The following CFHR2 variants were observed in gnomAD, a reference collection of about 807,000 sequenced individuals.
CFHR2 encodes the protein complement factor H related 2.
In CFHR2, 22 loss-of-function variants were observed where a neutral mutation model predicts 21.7. The ratio of observed to expected loss-of-function variants is 1.01; its 90% confidence interval spans 0.72 to 1.45. The LOEUF (loss-of-function observed/expected upper bound fraction) is 1.45, where lower values mean the gene tolerates loss of function less well. Among genes scored for constraint, CFHR2 ranks in the 40% most tolerant of loss-of-function variants. The pLI is 0.00. For missense variants in CFHR2, 294 were observed against 293.3 expected, an observed-to-expected ratio of 1.00 and a Z score of -0.02; for synonymous variants, 98 against 97.4, an observed-to-expected ratio of 1.01 and a Z score of -0.04.
rs199810650 is a variant in CFHR2, at chr1:196,957,887, T to C, written c.431-4T>C. The C allele has an allele frequency of 1.8e-5, 29 of 1,608,768 alleles. No individual in the cohort carries two copies. Among genetic ancestry groups the C allele is most frequent in the Non-Finnish European group, 8.5e-7 (1 of 1,177,524 alleles). On this transcript the variant is annotated splice_polypyrimidine_tract_variant and splice_region_variant and intron_variant, in intron 3 of 4. Transcript: ENST00000367415. ...TCCCAGTAAATCAAATGATGTTTTT[T>C]TAGTTTCTGCAGAAAAATGTGGGCC...
chr1:196,954,758 C>T (rs1652803688), intron 3 of CFHR2, among the ~76,000 whole-genome samples: 1 of 152,198 alleles, frequency 6.6e-6, no homozygotes, highest in Non-Finnish European at 1.5e-5. Context: ...GAGGTTTGCA[C>T]CTTCTGAAAA....
Position 196,959,296 on chromosome 1 carries a change from T to A in CFHR2, c.*216T>A, listed in dbSNP as rs1042527320. ...AGTAACAACCTAGGAATTGTCTTTTTTTTTCTTTTTAAAAAAATTGACAAT... is the reference window on the plus strand; with the variant it reads ...AGTAACAACCTAGGAATTGTCTTTTATTTTCTTTTTAAAAAAATTGACAAT... On this transcript the variant is annotated 3_prime_UTR_variant, in exon 5 of 5. Transcript: ENST00000367415. 2 of 451,180 alleles carry A rather than the reference T, an allele frequency of 4.4e-6. No individual in the cohort carries two copies. Among genetic ancestry groups the A allele is most frequent in the African/African-American group, 4.0e-5 (2 of 49,884 alleles). 27.9% of individuals were successfully genotyped at this position (451,180 alleles called of 1,614,324 possible).
chr1:196,947,526 G>A (rs1420564385), intron 1 of CFHR2, among the ~76,000 whole-genome samples: 6 of 152,072 alleles, frequency 3.9e-5, no homozygotes, highest in African/African-American at 1.4e-4. Context: ...ACTATCTAAT[G>A]TCAAATTTTA....
intron 2 of CFHR2, among the ~76,000 whole-genome samples, chr1:196,950,452 T>G (rs1487186681): frequency 6.6e-6 from 1 of 151,740 alleles, no homozygotes; most frequent in Admixed American, 6.6e-5. Context: ...TCCTTTTTGG[T>G]TTTTTGTTTG....
In CFHR2 at chr1:196,959,056, A is replaced by G. The variant is rs751336038; in HGVS notation, c.789A>G (p.Val263=). 1 of 1,610,954 alleles carries G rather than the reference A, an allele frequency of 6.2e-7. No homozygotes were observed. The highest frequency in any genetic ancestry group is 1.3e-5 in the African/African-American group (1 of 74,870). ...FRAMCQNGKL[V]YPSCEEK ...CAATGTGTCAGAATGGGAAACTGGTATATCCCAGTTGTGAAGAAAAATAGA... is the reference window on the plus strand; with the variant it reads ...CAATGTGTCAGAATGGGAAACTGGTGTATCCCAGTTGTGAAGAAAAATAGA... Residue 263 remains valine (V), a synonymous_variant, in exon 5 of 5, where the codon GTA becomes GTG. Coordinates refer to ENST00000367415, the MANE Select transcript of CFHR2 (RefSeq NM_005666.4).
chr1:196,953,185 A>G (rs1291505070), intron 3 of CFHR2, among the ~76,000 whole-genome samples: 2 of 152,230 alleles, frequency 1.3e-5, no homozygotes, highest in Non-Finnish European at 2.9e-5. Context: ...TTCCGTTTAC[A>G]ACACCATGCA....
chr1:196,947,521 C>A (rs1659554886), intron 1 of CFHR2, among the ~76,000 whole-genome samples: 1 of 152,092 alleles, frequency 6.6e-6, no homozygotes, highest in Non-Finnish European at 1.5e-5. Flanking sequence ...CCAAAACTAT[C>A]TAATGTCAAA....
intron 1 of CFHR2, 97 bp from the exon 2 acceptor site, chr1:196,949,358 T>C: frequency 2.4e-6 from 3 of 1,255,346 alleles, no homozygotes; most frequent in Middle Eastern, 2.0e-4. Context: ...TTAAGCTAAA[T>C]GAAAGAAAAA....
In CFHR2 at chr1:196,949,397, T is replaced by C. The variant is rs1404731669; in HGVS notation, c.59-58T>C. On this transcript the variant is annotated intron_variant, in intron 1 of 4. Coordinates refer to ENST00000367415, the MANE Select transcript of CFHR2 (RefSeq NM_005666.4). The stretch of plus-strand genomic sequence containing the variant: ...TAAATGAGATGATTAAAATATAGTC[T>C]AGTGATTTATTTATGTAGCTTATTA... The C allele has an allele frequency of 6.8e-6, 10 of 1,476,748 alleles. No individual in the cohort carries two copies. The Admixed American group carries it at 7.6e-5, about 11-fold the overall frequency. The allele number at this position is 1,476,748 out of a possible 1,614,324, so 91.5% of individuals were successfully genotyped here. A position where few individuals can be genotyped will look rare whatever the true frequency, so the allele number is the denominator to read the frequency against.
intron 3 of CFHR2, among the ~76,000 whole-genome samples, chr1:196,951,889 T>C (rs1415617818): frequency 3.9e-5 from 6 of 152,136 alleles, no homozygotes; most frequent in Non-Finnish European, 7.3e-5. Context: ...GGCTGTGTGC[T>C]GTGGTAGTTT....
rs1653036880 is a variant in CFHR2, at chr1:196,959,603, A to G, written c.*523A>G. ...TCTTTCAGAGCTTGTAACTATGTAT[A>G]TCCACATAAATAATCAAAATAATTT... On this transcript the variant is annotated 3_prime_UTR_variant, in exon 5 of 5. Transcript: ENST00000367415. Among the ~76,000 whole-genome samples, 1 of 152,098 alleles carries G rather than the reference A, an allele frequency of 6.6e-6. No homozygotes were observed. The highest frequency in any genetic ancestry group is 2.4e-5 in the African/African-American group (1 of 41,446).
chr1:196,951,202 G>T (rs1188437795), intron 3 of CFHR2, among the ~76,000 whole-genome samples, 174 bp downstream of exon 3: 1 of 152,112 alleles, frequency 6.6e-6, no homozygotes, highest in South Asian at 2.1e-4. Context: ...AATATAGTTT[G>T]CCTACCTATA....
chr1:196,957,817 C>T (rs1347722399), intron 3 of CFHR2, 74 bp from the exon 4 acceptor site: 19 of 1,326,112 alleles, frequency 1.4e-5, no homozygotes, highest in Admixed American at 3.6e-5. Flanking sequence ...CTATAAAGTG[C>T]CTTGTTTGCA....
At chr1:196,948,224 G>A (rs1571483973) in intron 1 of CFHR2, among the ~76,000 whole-genome samples, 1 of 152,032 alleles carries the variant, frequency 6.6e-6, no homozygotes, top group African/African-American at 2.4e-5. Flanking sequence ...ACAGAATGAT[G>A]TAGTATTTGT....
chr1:196,954,731 G>A (rs1652802451), intron 3 of CFHR2, among the ~76,000 whole-genome samples: 1 of 152,182 alleles, frequency 6.6e-6, no homozygotes, highest in African/African-American at 2.4e-5. Flanking sequence ...AACACCATGT[G>A]GAAGCTGCCA....
intron 1 of CFHR2, among the ~76,000 whole-genome samples, chr1:196,946,509 T>G (rs201163860): frequency 0.012 from 1,756 of 148,234 alleles, 31 homozygotes; most frequent in African/African-American, 0.039. Context: ...TTCTTTCTGT[T>G]CTTGTGCTAT....
At chr1:196,946,399 T>G (rs948777199) in intron 1 of CFHR2, among the ~76,000 whole-genome samples, 3 of 152,196 alleles carry the variant, frequency 2.0e-5, no homozygotes, top group African/African-American at 7.2e-5. Flanking sequence ...TAAATTAACC[T>G]TAGTTTATGT....
chr1:196,957,044 C>G (rs975291118), intron 3 of CFHR2, among the ~76,000 whole-genome samples: 1 of 152,082 alleles, frequency 6.6e-6, no homozygotes, highest in Non-Finnish European at 1.5e-5. Context: ...GGAGGGTGGT[C>G]ATTGGCTTCT....
Position 196,953,275 on chromosome 1 carries a change from C to T in CFHR2, c.430+2247C>T, listed in dbSNP as rs200838764. Among the ~76,000 whole-genome samples, 591 of 129,344 alleles carry T rather than the reference C, an allele frequency of 4.6e-3. 6 individuals are homozygous for T. Among genetic ancestry groups the T allele is most frequent in the African/African-American group, 0.014 (499 of 36,482 alleles). 84.9% of individuals were successfully genotyped at this position (129,344 alleles called of 152,430 possible). A position where few individuals can be genotyped will look rare whatever the true frequency, so the allele number is the denominator to read the frequency against. ...ATTTATTTATTTATTTATTTATTTA[C>T]TTACTTATTTACTTATTTATTTTTT... On this transcript the variant is annotated intron_variant, in intron 3 of 4. Transcript: ENST00000367415.
Sources: allele counts gnomAD v4.1 joint callset (sites outside exome capture counted in the v4.1 genomes callset), GRCh38; gene constraint gnomAD v4.1.1; transcripts MANE v1.5; gene names NCBI Gene and HGNC (gene_info 2026-07-23, HGNC 2026-07-21).